NLK: variants seen among roughly 807,000 people sequenced by gnomAD.
NLK encodes nemo like kinase.
A neutral mutation model predicts 59.0 loss-of-function variants in NLK; 11 were observed. The observed-to-expected ratio is 0.19, with a 90% confidence interval of 0.12 to 0.31. The LOEUF (loss-of-function observed/expected upper bound fraction) is 0.31. Ranked by LOEUF, NLK falls within the 10% of genes least tolerant of loss-of-function variation. The pLI is 1.00. For missense variants in NLK, 410 were observed against 661.1 expected (o/e 0.62, Z 4.16); for synonymous variants, 235 against 235.9 (o/e 1.00, Z 0.03).
chr17:28,048,094 G>A (rs1909124686), intron 1 of NLK: 1 of 396,100 alleles, frequency 2.5e-6, no homozygotes, highest in South Asian at 1.3e-4. Context: ...AACTAGAAAT[G>A]TGGAAATCTG....
chr17:28,149,073 G>GT (rs1333634469), intron 3 of NLK, among the ~76,000 whole-genome samples: 4 of 152,020 alleles, frequency 2.6e-5, no homozygotes, highest in Non-Finnish European at 5.9e-5. Context: ...GTTAAAAAAC[G>GT]TTTTTTTGAG....
At chr17:28,125,902 C>T (rs924180031) in intron 2 of NLK, among the ~76,000 whole-genome samples, 2 of 152,120 alleles carry the variant, frequency 1.3e-5, no homozygotes, top group Non-Finnish European at 2.9e-5. Context: ...CCTTAAAAAT[C>T]GTGTCAGATA....
chr17:28,157,928 T>G (rs887737553), intron 3 of NLK, among the ~76,000 whole-genome samples: 2 of 152,238 alleles, frequency 1.3e-5, no homozygotes, highest in African/African-American at 4.8e-5. Context: ...TATAGGGACC[T>G]ACTATGTGCA....
the NLK span, among the ~76,000 whole-genome samples, chr17:28,201,578 C>T: frequency 6.6e-6 from 1 of 151,782 alleles, no homozygotes; most frequent in South Asian, 2.1e-4. Flanking sequence ...CAAACAAAAA[C>T]AAAATACTAG....
intron 3 of NLK, among the ~76,000 whole-genome samples, chr17:28,137,794 A>G (rs553590730): frequency 4.1e-4 from 62 of 152,288 alleles, no homozygotes; most frequent in Middle Eastern, 3.4e-3. Context: ...GTAAGTTTTT[A>G]TAAATCTGCC....
chr17:28,153,533 C>T (rs907953366), intron 3 of NLK, among the ~76,000 whole-genome samples: 12 of 152,180 alleles, frequency 7.9e-5, no homozygotes, highest in Non-Finnish European at 1.6e-4. Context: ...GACCTCATGA[C>T]CTAATCACCT....
At chr17:28,082,151 C>T (rs1464702051) in intron 1 of NLK, among the ~76,000 whole-genome samples, 1 of 152,228 alleles carries the variant, frequency 6.6e-6, no homozygotes, top group Non-Finnish European at 1.5e-5. Context: ...GATCCACCCT[C>T]CTCGGCCTCC....
At chr17:28,073,300 A>G (rs956119020) in intron 1 of NLK, among the ~76,000 whole-genome samples, 2 of 152,132 alleles carry the variant, frequency 1.3e-5, no homozygotes, top group African/African-American at 4.8e-5. Context: ...CTTCTAGCAT[A>G]TTTGTAAAGG....
At chr17:28,061,848 A>AATATATAATATATACATATACAT (rs1567702456) in intron 1 of NLK, 3 of 145,540 alleles carry the variant, frequency 2.1e-5, no homozygotes, top group Non-Finnish European at 4.5e-5. Flanking sequence ...ACATATATAT[A>AATATATAATATATACATATACAT]ATATATAATA....
intron 1 of NLK, among the ~76,000 whole-genome samples, chr17:28,089,465 G>GTT (rs971010867): frequency 1.5e-5 from 2 of 137,074 alleles, no homozygotes; most frequent in South Asian, 2.3e-4. Context: ...TAGTTTTGTT[G>GTT]TTTTTTTTTT....
intron 1 of NLK, among the ~76,000 whole-genome samples, chr17:28,093,797 C>G (rs951179971): frequency 3.9e-5 from 6 of 152,140 alleles, no homozygotes; most frequent in African/African-American, 1.4e-4. Context: ...AATTGCACAC[C>G]AAAGACTCAC....
At chr17:28,110,376 T>C (rs1397622680) in intron 1 of NLK, among the ~76,000 whole-genome samples, 1 of 152,124 alleles carries the variant, frequency 6.6e-6, no homozygotes, top group Non-Finnish European at 1.5e-5. Context: ...ATTTATCATA[T>C]TGTTGTTTTT....
intron 7 of NLK, among the ~76,000 whole-genome samples, chr17:28,174,808 T>C (rs528829064): frequency 6.6e-6 from 1 of 152,202 alleles, no homozygotes; most frequent in African/African-American, 2.4e-5. Context: ...ACCAATCAGA[T>C]TCTACCTTTT....
intron 5 of NLK, among the ~76,000 whole-genome samples, chr17:28,164,353 G>C (rs1233860932): frequency 6.9e-6 from 1 of 144,772 alleles, no homozygotes; most frequent in Non-Finnish European, 1.5e-5. Context: ...CTAGGTGACA[G>C]AGTGAGACCC....
Position 28,161,300 on chromosome 17 carries a change from A to T in NLK, c.751+34A>T, listed in dbSNP as rs1288107183. On this transcript the variant is annotated intron_variant, in intron 4 of 10. Coordinates refer to ENST00000407008, the MANE Select transcript of NLK (RefSeq NM_016231.5). Reference sequence around the variant, plus strand: ...TCTTTATGAAGAAAAAGGTGCTGTCACACTGTAAATGAAATGTTTTGCTTC... The same window carrying T: ...TCTTTATGAAGAAAAAGGTGCTGTCTCACTGTAAATGAAATGTTTTGCTTC... 7 of 1,138,838 alleles carry T rather than the reference A, an allele frequency of 6.1e-6. No homozygotes were observed. The East Asian group carries it at 1.6e-4, about 27-fold the overall frequency. The allele number at this position is 1,138,838 out of a possible 1,614,324, so 70.5% of individuals were successfully genotyped here.
chr17:28,047,792 C>T, intron 1 of NLK: 1 of 390,930 alleles, frequency 2.6e-6, no homozygotes, highest in Non-Finnish European at 4.5e-6. Flanking sequence ...TCTTACTCCA[C>T]ATAACAAACT....
intron 1 of NLK, among the ~76,000 whole-genome samples, chr17:28,107,802 C>T (rs137915223): frequency 8.8e-4 from 134 of 152,128 alleles, no homozygotes; most frequent in African/African-American, 3.1e-3. Context: ...CTGTTTTAGG[C>T]ACTGGAAGGA....
chr17:28,172,496 CTG>C lies in NLK; in HGVS notation c.1048-19_1048-18del, dbSNP rs758182505. 3 of 1,496,862 alleles carry C rather than the reference CTG, an allele frequency of 2.0e-6. No homozygotes were observed. The highest frequency in any genetic ancestry group is 2.7e-6 in the Non-Finnish European group (3 of 1,103,248). The allele number at this position is 1,496,862 out of a possible 1,614,324, so 92.7% of individuals were successfully genotyped here. On this transcript the variant is annotated intron_variant, in intron 6 of 10. Coordinates refer to ENST00000407008, the MANE Select transcript of NLK (RefSeq NM_016231.5). ...TTATTTCCATGAGATTACTATCTAT[CTG>C]TATTTTATTTCCTTGTAGTTGGATT... is the stretch of plus-strand genomic sequence containing the variant.
At chr17:28,165,629 A>G (rs191376561) in intron 5 of NLK, among the ~76,000 whole-genome samples, 2 of 152,316 alleles carry the variant, frequency 1.3e-5, no homozygotes, top group African/African-American at 4.8e-5. Flanking sequence ...TTTGTTTCCT[A>G]TTAAGCACAA....
Sources: gnomAD v4.1 joint callset for allele counts (sites outside exome capture counted in the v4.1 genomes callset) on GRCh38, gnomAD v4.1.1 for gene constraint, MANE v1.5 for transcripts, NCBI Gene and HGNC (gene_info 2026-07-23, HGNC 2026-07-21) for gene names.